Variants in RABGAP1L observed in about 807,000 individuals in gnomAD.
RABGAP1L encodes the protein RAB GTPase activating protein 1 like, also known as rab GTPase-activating protein 1-like.
In RABGAP1L, 63 loss-of-function variants were observed where a neutral mutation model predicts 137.7. The observed-to-expected ratio is 0.46, with a 90% CI of 0.37 to 0.56. The LOEUF is 0.56. Ranked by LOEUF, RABGAP1L falls within the 20% of genes least tolerant of loss-of-function variation. The probability of loss-of-function intolerance (pLI) is 0.00; values close to 1 mark genes in which losing one functional copy is unlikely to be tolerated. For synonymous variants in RABGAP1L, 431 were observed against 433.7 expected (o/e 0.99, Z 0.08); for missense variants, 1,095 against 1,244.0 (o/e 0.88, Z 1.80).
At chr1:174,722,357 G>T (rs1008968712) in intron 17 of RABGAP1L, among the ~76,000 whole-genome samples, 2 of 152,100 alleles carry the variant, frequency 1.3e-5, no homozygotes, top group African/African-American at 4.8e-5. Context: ...ATATTGTTTT[G>T]TTATATGTAA....
intron 13 of RABGAP1L, among the ~76,000 whole-genome samples, chr1:174,628,129 G>A (rs374732505): frequency 6.6e-6 from 1 of 152,138 alleles, no homozygotes; most frequent in African/African-American, 2.4e-5. Flanking sequence ...TGGGGCCAGA[G>A]TGTGTATTAG....
chr1:174,252,642 T>C, intron 7 of RABGAP1L, 52 bp downstream of exon 7: 1 of 1,577,670 alleles, frequency 6.3e-7, no homozygotes. Flanking sequence ...ACATTGTTAC[T>C]GTCTCAGATG....
chr1:174,875,132 C>T (rs1652871461), intron 19 of RABGAP1L, among the ~76,000 whole-genome samples: 1 of 152,122 alleles, frequency 6.6e-6, no homozygotes, highest in East Asian at 1.9e-4. Context: ...TATCTAAGAA[C>T]CTGTGTAGAA....
At chr1:174,469,936 T>A (rs1009370609) in intron 13 of RABGAP1L, among the ~76,000 whole-genome samples, 2 of 152,042 alleles carry the variant, frequency 1.3e-5, no homozygotes, top group African/African-American at 2.4e-5. Context: ...ACTGTAGAGC[T>A]GAGCTGACTG....
intron 13 of RABGAP1L, among the ~76,000 whole-genome samples, chr1:174,609,648 C>CT (rs1372765223): frequency 2.6e-5 from 4 of 152,126 alleles, no homozygotes; most frequent in African/African-American, 9.7e-5. Flanking sequence ...CTACTTCAAG[C>CT]TATTTTTCTG....
At chr1:174,929,168 A>G (rs1016183027) in intron 19 of RABGAP1L, among the ~76,000 whole-genome samples, 1 of 152,154 alleles carries the variant, frequency 6.6e-6, no homozygotes, top group Admixed American at 6.5e-5. Flanking sequence ...TACATATGTA[A>G]CAAACCTGAA....
chr1:174,206,160 T>C (rs1484561099), intron 1 of RABGAP1L, among the ~76,000 whole-genome samples: 1 of 152,212 alleles, frequency 6.6e-6, no homozygotes, highest in Non-Finnish European at 1.5e-5. Context: ...GACATTTTTA[T>C]AAAAGCTATG....
intron 12 of RABGAP1L, among the ~76,000 whole-genome samples, chr1:174,392,997 A>G (rs1172058909): frequency 6.6e-6 from 1 of 152,230 alleles, no homozygotes. Context: ...CAGGAAAAAG[A>G]TGACAAATGA....
At chr1:174,563,817 T>C (rs1250772587) in intron 13 of RABGAP1L, among the ~76,000 whole-genome samples, 1 of 152,016 alleles carries the variant, frequency 6.6e-6, no homozygotes, top group Middle Eastern at 3.4e-3. Context: ...AATGAATGAA[T>C]GGGGGGAAAG....
At chr1:174,346,676 TA>T (rs1418583412) in intron 11 of RABGAP1L, among the ~76,000 whole-genome samples, 1 of 152,014 alleles carries the variant, frequency 6.6e-6, no homozygotes, top group African/African-American at 2.4e-5. Context: ...GTTTATCTTT[TA>T]AAAAATAACT....
chr1:174,983,609 TAGTA>T (rs1671321003), intron 24 of RABGAP1L, among the ~76,000 whole-genome samples: 1 of 152,324 alleles, frequency 6.6e-6, no homozygotes, highest in East Asian at 1.9e-4. Context: ...AATAAATGTG[TAGTA>T]AGTAATTTAG....
At chr1:174,195,814 C>T (rs61828573) in intron 1 of RABGAP1L, among the ~76,000 whole-genome samples, 15 of 69,554 alleles carry the variant, frequency 2.2e-4, no homozygotes, top group East Asian at 5.3e-4. Context: ...TCTTTCTATC[C>T]TTCTTTCTTT....
chr1:174,414,541 G>C (rs1650320191), intron 13 of RABGAP1L, among the ~76,000 whole-genome samples: 1 of 151,894 alleles, frequency 6.6e-6, no homozygotes, highest in Non-Finnish European at 1.5e-5. Context: ...TATATGCCCA[G>C]GGCCTGGTAC....
intron 5 of RABGAP1L, 113 bp downstream of exon 5, chr1:174,241,770 A>T: frequency 1.0e-6 from 1 of 964,020 alleles, no homozygotes; most frequent in Non-Finnish European, 1.5e-6. Flanking sequence ...TATGTTTCTA[A>T]AGACAAAATT....
At chr1:174,425,974 A>G (rs1035507354) in intron 13 of RABGAP1L, among the ~76,000 whole-genome samples, 1 of 152,058 alleles carries the variant, frequency 6.6e-6, no homozygotes, top group Admixed American at 6.6e-5. Flanking sequence ...AGTTTCTTCT[A>G]TTTAGAGGGA....
intron 14 of RABGAP1L, among the ~76,000 whole-genome samples, chr1:174,658,964 T>G (rs1676174715): frequency 1.3e-5 from 2 of 152,178 alleles, no homozygotes; most frequent in African/African-American, 2.4e-5. Context: ...GAAAAACTGA[T>G]TATTTTCAAG....
intron 13 of RABGAP1L, among the ~76,000 whole-genome samples, chr1:174,622,353 G>T (rs971155582): frequency 1.3e-5 from 2 of 152,044 alleles, no homozygotes; most frequent in African/African-American, 4.8e-5. Flanking sequence ...CCCATTACTG[G>T]GTATATACCC....
At chr1:174,246,218 G>A (rs1054777964) in intron 5 of RABGAP1L, 19 of 152,108 alleles carry the variant, frequency 1.2e-4, no homozygotes, top group Admixed American at 7.9e-4. Context: ...TCTCCTCCCT[G>A]CCTCTTCAAA....
chr1:174,946,227 A>G (rs1666737282), intron 19 of RABGAP1L, among the ~76,000 whole-genome samples: 1 of 152,192 alleles, frequency 6.6e-6, no homozygotes, highest in African/African-American at 2.4e-5. Context: ...CAGGCTACTG[A>G]CGAGGCTTAT....
Sources: allele counts gnomAD v4.1 joint callset (sites outside exome capture counted in the v4.1 genomes callset), GRCh38; gene constraint gnomAD v4.1.1; transcripts MANE v1.5; gene names NCBI Gene and HGNC (gene_info 2026-07-23, HGNC 2026-07-21).